Variants in BPHL observed in about 807,000 individuals in gnomAD.
The protein encoded by BPHL is serine hydrolase BPHL.
Under a neutral mutation model 31.2 loss-of-function variants are expected in BPHL, and 27 were observed. That is an observed-to-expected ratio of 0.87 (90% CI 0.64 to 1.19). BPHL has a LOEUF of 1.19. BPHL is among the 50% of genes most tolerant of loss of function. The probability of loss-of-function intolerance (pLI) is 0.00; values close to 1 mark genes in which losing one functional copy is unlikely to be tolerated. For synonymous variants in BPHL, 150 were observed against 146.8 expected (o/e 1.02, Z -0.16); for missense variants, 356 against 375.7 (o/e 0.95, Z 0.43).
chr6:3,152,190 A>G (rs912174977), intron 6 of BPHL, among the ~76,000 whole-genome samples: 1 of 151,742 alleles, frequency 6.6e-6, no homozygotes, highest in Admixed American at 6.6e-5. Context: ...CCCCACTCTC[A>G]GTCCGTTTTC....
At chr6:3,134,883 T>C (rs1761970558) in intron 4 of BPHL, among the ~76,000 whole-genome samples, 1 of 152,230 alleles carries the variant, frequency 6.6e-6, no homozygotes, top group Middle Eastern at 3.4e-3. Context: ...ATTACAGGCA[T>C]GAACCACCGC....
intron 5 of BPHL, 115 bp downstream of exon 5, chr6:3,137,608 C>A: frequency 7.2e-7 from 1 of 1,392,576 alleles, no homozygotes. Flanking sequence ...CTCACACGCT[C>A]ATGTGTGAGC....
At chr6:3,150,604 A>C (rs1271239524) in intron 6 of BPHL, among the ~76,000 whole-genome samples, 1 of 152,060 alleles carries the variant, frequency 6.6e-6, no homozygotes, top group Non-Finnish European at 1.5e-5. Context: ...AATTTTTCGG[A>C]GAATGTTATT....
At position 3,129,056 on chromosome 6, in the gene BPHL, T is replaced by G. The variant is rs1761792976; in HGVS notation, c.390T>G (p.Phe130Leu). Residue 130 changes from phenylalanine (F) to leucine (L), a missense_variant, in exon 4 of 7, where the codon TTT becomes TTG. Physicochemically the swap from Phe to Leu is conservative, Grantham distance 22 (BLOSUM62 0). Coordinates refer to ENST00000380379, the MANE Select transcript of BPHL (RefSeq NM_004332.4). ...TCGTATGATCATAGGCGCTGAAGTT[T>G]AAGAAGGTTTCTCTGCTGGGGTGGA... ...DAVDLMKALK[F>L]KKVSLLGWSD... The G allele has an allele frequency of 1.2e-6, 2 of 1,614,274 alleles. No individual in the cohort carries two copies. The highest frequency in any genetic ancestry group is 1.7e-6 in the Non-Finnish European group (2 of 1,180,040).
intron 1 of BPHL, chr6:3,119,215 AG>A: frequency 7.3e-7 from 1 of 1,376,010 alleles, no homozygotes; most frequent in Admixed American, 2.0e-5. Context: ...CGCCCTCATT[AG>A]TCCATTGCTC....
chr6:3,149,626 TTTTG>T lies in BPHL; in HGVS notation c.789-2843_789-2840del, dbSNP rs145692049. 0.084 allele frequency among the ~76,000 whole-genome samples: 12,730 copies of T among 151,724 alleles called. 761 individuals carry two copies. The highest frequency in any genetic ancestry group is 0.16 in the African/African-American group (6,790 of 41,286). On this transcript the variant is annotated intron_variant, in intron 6 of 6. Coordinates refer to ENST00000380379, the MANE Select transcript of BPHL (RefSeq NM_004332.4). The surrounding 1 kb of genome is among the most constrained non-coding windows in gnomAD (Gnocchi z 4.6). ...GGAGCTTGTGGTTTGACCATTACCT[TTTTG>T]TTTGTTTGTTTGTTTGTTGTGAGAT... is the stretch of plus-strand genomic sequence containing the variant.
Position 3,127,306 on chromosome 6 carries a change from C to A in BPHL, c.276C>A (p.Val92=). 2 of 1,606,718 alleles carry A rather than the reference C, an allele frequency of 1.2e-6. No individual in the cohort carries two copies. Among genetic ancestry groups the A allele is most frequent in the Non-Finnish European group, 1.7e-6 (2 of 1,175,702 alleles). The change falls in exon 3 of 7, where the codon GTC becomes GTA. Residue 92 remains valine, a synonymous_variant. Transcript: ENST00000380379. ...TCAATAAGAAGCTCTTCACGGTGGTCGCCTGGGATCCTCGAGGCTATGGAC... is the reference window on the plus strand; with the variant it reads ...TCAATAAGAAGCTCTTCACGGTGGTAGCCTGGGATCCTCGAGGCTATGGAC... ...KNLNKKLFTV[V]AWDPRGYGHS... is the part of the protein sequence containing the mutation.
chr6:3,122,146 G>A (rs1355767929), intron 1 of BPHL, among the ~76,000 whole-genome samples: 1 of 152,182 alleles, frequency 6.6e-6, no homozygotes, highest in Non-Finnish European at 1.5e-5. Flanking sequence ...CGGGCGTGGT[G>A]GCGGGTGCCT....
In BPHL at chr6:3,127,422, G is replaced by C; in HGVS notation, c.378+14G>C. ...GATTTGATGAAGGTAGGTCTCTGAGGGAAGGGCCAGGGGAGGAAGGGTGGC... is the reference window on the plus strand; with the variant it reads ...GATTTGATGAAGGTAGGTCTCTGAGCGAAGGGCCAGGGGAGGAAGGGTGGC... On this transcript the variant is annotated intron_variant, in intron 3 of 6. Coordinates refer to ENST00000380379, the MANE Select transcript of BPHL (RefSeq NM_004332.4). The C allele has an allele frequency of 1.3e-6, 2 of 1,572,366 alleles. No individual in the cohort carries two copies. The highest frequency in any genetic ancestry group is 1.7e-6 in the Non-Finnish European group (2 of 1,153,604).
At position 3,137,893 on chromosome 6, in the gene BPHL, G is replaced by A. The variant is rs539911536; in HGVS notation, c.664+400G>A. On this transcript the variant is annotated intron_variant, in intron 5 of 6. Coordinates refer to ENST00000380379, the MANE Select transcript of BPHL (RefSeq NM_004332.4). ...TTTTTTCCTTTTTACACATTTAGAT[G>A]TGTCTCCCCACGAGGACACTGTTAA... The A allele has an allele frequency of 8.1e-6, 7 of 862,956 alleles. No individual in the cohort carries two copies. The Admixed American group carries it at 1.1e-4, about 13-fold the overall frequency. The allele number at this position is 862,956 out of a possible 1,614,324, so 53.5% of individuals were successfully genotyped here.
chr6:3,144,300 C>T (rs1488960355), intron 6 of BPHL, among the ~76,000 whole-genome samples: 2 of 152,016 alleles, frequency 1.3e-5, no homozygotes, highest in South Asian at 2.1e-4. Flanking sequence ...ATCTCCTGAC[C>T]TCGTGATGCA....
chr6:3,128,012 G>A (rs976734545), intron 3 of BPHL, among the ~76,000 whole-genome samples: 1 of 151,962 alleles, frequency 6.6e-6, no homozygotes, highest in Non-Finnish European at 1.5e-5. Context: ...GTAGAGACAG[G>A]GTTTCATCGC....
At chr6:3,118,560 T>C, upstream of BPHL, 2 of 421,442 alleles carry the variant, frequency 4.7e-6, no homozygotes, top group Non-Finnish European at 8.0e-6. Context: ...GAGCCGAGTT[T>C]CGGTCGCCCA....
At chr6:3,139,851 G>C (rs1054720178) in intron 5 of BPHL, 2 of 152,832 alleles carry the variant, frequency 1.3e-5, no homozygotes, top group Non-Finnish European at 2.9e-5. Flanking sequence ...CATAAATGGG[G>C]GTAAGTCCTT....
intron 6 of BPHL, among the ~76,000 whole-genome samples, chr6:3,148,189 G>A (rs967752149): frequency 6.6e-6 from 1 of 152,232 alleles, no homozygotes; most frequent in African/African-American, 2.4e-5. Flanking sequence ...TGGGCCTTGT[G>A]TTGGGTTCAC....
In BPHL at chr6:3,149,320, C is replaced by T. The variant is rs1762461425; in HGVS notation, c.789-3168C>T. 6.6e-6 allele frequency among the ~76,000 whole-genome samples: 1 copy of T among 151,436 alleles called. No homozygotes were observed. Among genetic ancestry groups the T allele is most frequent in the African/African-American group, 2.4e-5 (1 of 41,024 alleles). ...CCCGACTAGGTCCCCACAGTCACAG[C>T]AGATTTGGAAAGGCTTTGTCCTCCA... On this transcript the variant is annotated intron_variant, in intron 6 of 6. Transcript: ENST00000380379. This position sits in a 1 kb window ranked among gnomAD's most constrained non-coding sequence, Gnocchi z 4.6.
chr6:3,145,222 C>T (rs77030257), intron 6 of BPHL, among the ~76,000 whole-genome samples: 1,754 of 10,700 alleles, frequency 0.16, 36 homozygotes, highest in Non-Finnish European at 0.18. Context: ...TGGTTCGGGT[C>T]CGAGTGCTGG....
Position 3,118,776 on chromosome 6 carries a change from C to G in BPHL, c.36C>G (p.Arg12=). ...TGCTGGGCGGCCGGGGCGTGTTGCG[C>G]CTGCGGCTGCTTCTCTCAGCGCTGA... ...VAVLGGRGVL[R]LRLLLSALKP... The change falls in exon 1 of 7, where the codon CGC becomes CGG. Residue 12 remains arginine, a synonymous_variant. Coordinates refer to ENST00000380379, the MANE Select transcript of BPHL (RefSeq NM_004332.4). 1.6e-6 allele frequency: 2 copies of G among 1,252,972 alleles called. No individual in the cohort carries two copies. The highest frequency in any genetic ancestry group is 2.0e-6 in the Non-Finnish European group (2 of 995,158). The allele number at this position is 1,252,972 out of a possible 1,614,324, so 77.6% of individuals were successfully genotyped here.
At chr6:3,118,549 C>T, upstream of BPHL, 1 of 407,376 alleles carries the variant, frequency 2.5e-6, no homozygotes, top group East Asian at 3.6e-5. Context: ...TGCGAAACCA[C>T]GAGCCGAGTT....
Sources: gnomAD v4.1 joint callset for allele counts (sites outside exome capture counted in the v4.1 genomes callset) on GRCh38, gnomAD v4.1.1 for gene constraint, Gnocchi (gnomAD v3.1) non-coding constraint, MANE v1.5 for transcripts, NCBI Gene and HGNC (gene_info 2026-07-23, HGNC 2026-07-21) for gene names.